The following ATP13A3 variants were observed in gnomAD, a reference collection of about 807,000 sequenced individuals.
ATP13A3 encodes polyamine-transporting ATPase 13A3.
ATP13A3 carries 59 observed loss-of-function variants against 158.1 expected under a neutral mutation model. The ratio of observed to expected loss-of-function variants is 0.37; its 90% CI spans 0.30 to 0.46. The LOEUF is 0.46. ATP13A3 is among the 20% of genes least tolerant of loss of function. The pLI, the probability that ATP13A3 is intolerant of heterozygous loss-of-function variation, is 1.00. For missense variants in ATP13A3, 1,166 were observed against 1,525.2 expected (o/e 0.76, Z 3.92); for synonymous variants, 491 against 504.3 (o/e 0.97, Z 0.35).
At chr3:194,430,437 A>T in intron 24 of ATP13A3, 122 bp from the exon 25 acceptor site, 4 of 1,098,346 alleles carry the variant, frequency 3.6e-6, no homozygotes, top group Non-Finnish European at 4.0e-6. Flanking sequence ...CCCCAGTGGA[A>T]CTATGAATCT....
chr3:194,456,006 T>C, intron 7 of ATP13A3, 44 bp from the exon 8 acceptor site: 1 of 1,236,846 alleles, frequency 8.1e-7, no homozygotes, highest in Non-Finnish European at 1.1e-6. Flanking sequence ...TATATCATAA[T>C]AGTATAATTT....
In ATP13A3 at chr3:194,428,842, C is replaced by A; in HGVS notation, c.2947+3G>T. ...AAAATCAATAACAAAGCAAAATACT[C>A]ACTTGTAAATACCACTACCAAAATG... On this transcript the variant is annotated splice_donor_region_variant and intron_variant, in intron 28 of 33. Coordinates refer to ENST00000645319, the MANE Select transcript of ATP13A3 (RefSeq NM_001367549.1). 1 of 1,576,980 alleles carries A rather than the reference C, an allele frequency of 6.3e-7. No individual in the cohort carries two copies. The highest frequency in any genetic ancestry group is 1.7e-5 in the Admixed American group (1 of 57,468).
At chr3:194,493,656 A>G (rs1346733725) in intron 2 of ATP13A3, among the ~76,000 whole-genome samples, 1 of 152,086 alleles carries the variant, frequency 6.6e-6, no homozygotes, top group Admixed American at 6.5e-5. Flanking sequence ...AAACAAAAAG[A>G]ATCCCTCTTT....
chr3:194,446,215 T>C (rs770322442), intron 14 of ATP13A3, among the ~76,000 whole-genome samples: 3 of 152,178 alleles, frequency 2.0e-5, no homozygotes, highest in Admixed American at 1.3e-4. Context: ...TTGTCCGTCT[T>C]TTTTTATAAC....
chr3:194,444,577 A>G, intron 15 of ATP13A3, 148 bp downstream of exon 15: 1 of 565,050 alleles, frequency 1.8e-6, no homozygotes, highest in Non-Finnish European at 2.9e-6. Context: ...TTCTAAAGGA[A>G]GCGATCTGAA....
chr3:194,477,789 A>C (rs1054514238), intron 2 of ATP13A3, among the ~76,000 whole-genome samples: 1 of 152,194 alleles, frequency 6.6e-6, no homozygotes, highest in Non-Finnish European at 1.5e-5. Context: ...AAGTGTTTCC[A>C]CCTCACTTCA....
At chr3:194,484,972 G>A (rs932562123) in intron 2 of ATP13A3, among the ~76,000 whole-genome samples, 21 of 151,188 alleles carry the variant, frequency 1.4e-4, no homozygotes, top group African/African-American at 4.6e-4. Context: ...CAGGAGAATC[G>A]CTGAAACCCA....
intron 33 of ATP13A3, among the ~76,000 whole-genome samples, chr3:194,408,060 G>A (rs1330528914): frequency 2.1e-5 from 3 of 145,394 alleles, no homozygotes; most frequent in East Asian, 2.0e-4. Context: ...TTGCTCTGTC[G>A]CCAGGCTGGA....
intron 15 of ATP13A3, among the ~76,000 whole-genome samples, chr3:194,442,366 G>A (rs1172208012): frequency 6.6e-6 from 1 of 152,170 alleles, no homozygotes; most frequent in African/African-American, 2.4e-5. Context: ...GGGAGGCTGA[G>A]GCAGGAGGAT....
chr3:194,479,225 C>T (rs1272309596), intron 2 of ATP13A3, among the ~76,000 whole-genome samples: 4 of 152,126 alleles, frequency 2.6e-5, no homozygotes, highest in Non-Finnish European at 4.4e-5. Flanking sequence ...AACTCTAAGG[C>T]AGTGCTGACA....
At chr3:194,475,932 C>T (rs935702663) in intron 2 of ATP13A3, among the ~76,000 whole-genome samples, 12 of 152,172 alleles carry the variant, frequency 7.9e-5, no homozygotes, top group Admixed American at 1.3e-4. Context: ...ACCAGAAAGT[C>T]AAGCATGGGG....
chr3:194,452,570 T>C (rs1472719029), intron 10 of ATP13A3: 2 of 152,220 alleles, frequency 1.3e-5, no homozygotes, highest in Non-Finnish European at 2.9e-5. Flanking sequence ...ATCCCTAACA[T>C]GCTTCAGAGA....
chr3:194,469,158 G>A (rs951142686), intron 2 of ATP13A3, among the ~76,000 whole-genome samples: 11 of 150,000 alleles, frequency 7.3e-5, no homozygotes, highest in African/African-American at 2.5e-4. Flanking sequence ...AAAAAAAAGC[G>A]CATCATTCAA....
intron 33 of ATP13A3, among the ~76,000 whole-genome samples, chr3:194,410,960 G>A (rs1272708046): frequency 2.0e-5 from 3 of 146,544 alleles, no homozygotes; most frequent in South Asian, 4.2e-4. Flanking sequence ...GTGTGTGTGT[G>A]TGTGTGTGTG....
Position 194,404,836 on chromosome 3 carries a change from C to CTGA in ATP13A3, c.*1082_*1083insTCA, listed in dbSNP as rs1432233907. 9 of 152,070 alleles carry CTGA rather than the reference C, an allele frequency of 5.9e-5. No homozygotes were observed. Among genetic ancestry groups the CTGA allele is most frequent in the African/African-American group, 1.7e-4 (7 of 41,384 alleles). The allele number at this position is 152,070 out of a possible 1,614,324, so 9.4% of individuals were successfully genotyped here. On this transcript the variant is annotated 3_prime_UTR_variant, in exon 34 of 34. Transcript: ENST00000645319. ...AGACATGTTCTGACCTCTGGCGCCA[C>CTGA]CTAATGGCATAAAACAAACTCATCA...
chr3:194,469,246 C>A (rs1017793544), intron 2 of ATP13A3, among the ~76,000 whole-genome samples: 1 of 150,932 alleles, frequency 6.6e-6, no homozygotes, highest in Middle Eastern at 3.3e-3. Context: ...TCACATGAGG[C>A]CAGGAGTTTG....
At chr3:194,439,374 G>A (rs1717881973) in intron 16 of ATP13A3, among the ~76,000 whole-genome samples, 1 of 152,216 alleles carries the variant, frequency 6.6e-6, no homozygotes, top group Admixed American at 6.5e-5. Context: ...GGATTCAAAA[G>A]TACATAGAGC....
At chr3:194,462,089 T>A (rs1300908537) in intron 3 of ATP13A3, 51 bp downstream of exon 3, 1 of 1,564,588 alleles carries the variant, frequency 6.4e-7, no homozygotes, top group South Asian at 1.1e-5. Flanking sequence ...AATAATAAAT[T>A]GCAGAGATAA....
intron 31 of ATP13A3, among the ~76,000 whole-genome samples, chr3:194,415,677 T>TTTTTTTTTTTTG (rs1715795971): frequency 7.0e-6 from 1 of 143,018 alleles, no homozygotes; most frequent in African/African-American, 2.7e-5. Context: ...TTTTTTTTTT[T>TTTTTTTTTTTTG]TTTTTTTTTT....
Sources: gnomAD v4.1 joint callset for allele counts (sites outside exome capture counted in the v4.1 genomes callset) on GRCh38, gnomAD v4.1.1 for gene constraint, MANE v1.5 for transcripts, NCBI Gene and HGNC (gene_info 2026-07-23, HGNC 2026-07-21) for gene names.